NRAP: variants seen among roughly 807,000 people sequenced by gnomAD.
The protein encoded by NRAP is nebulin-related-anchoring protein.
NRAP carries 189 observed loss-of-function variants against 225.9 expected under a neutral mutation model. The observed-to-expected ratio is 0.84, with a 90% CI of 0.74 to 0.94. NRAP has a LOEUF of 0.94. Ranked by LOEUF, NRAP falls within the 40% of genes least tolerant of loss-of-function variation. The pLI is 0.00. For synonymous variants in NRAP, 769 were observed against 790.7 expected (o/e 0.97, Z 0.46); for missense variants, 2,176 against 2,168.7 (o/e 1.00, Z -0.07).
At chr10:113,625,930 A>T in intron 21 of NRAP, 117 bp downstream of exon 21, 1 of 636,936 alleles carries the variant, frequency 1.6e-6, no homozygotes, top group Non-Finnish European at 2.6e-6. Flanking sequence ...CAGCCTATTT[A>T]GAGGGAAGGC....
chr10:113,650,627 C>A, intron 7 of NRAP, 82 bp from the exon 8 acceptor site: 2 of 888,166 alleles, frequency 2.3e-6, no homozygotes, highest in Admixed American at 3.7e-5. Flanking sequence ...GGTTCCATGA[C>A]ATCCTGCCCA....
rs760250935 is a variant in NRAP, at chr10:113,615,782, T to C, written c.3008A>G (p.His1003Arg). Residue 1003 changes from histidine to arginine, a missense_variant, in exon 27 of 42, where the codon CAT becomes CGT. Physicochemically the swap from His to Arg is conservative, Grantham distance 29 (BLOSUM62 0). Coordinates refer to ENST00000359988, the MANE Select transcript of NRAP (RefSeq NM_198060.4). Reference protein sequence around the residue: ...LYREQGENIKHHYTPTADLPE... With the variant: ...LYREQGENIKRHYTPTADLPE... Reference sequence around the variant, plus strand: ...GAGGTCAGCAGTCGGTGTGTAATGATGCTTTATGTTTTCTCCTTGTTCCCT... The same window carrying C: ...GAGGTCAGCAGTCGGTGTGTAATGACGCTTTATGTTTTCTCCTTGTTCCCT... 1.2e-6 allele frequency: 2 copies of C among 1,609,314 alleles called. No homozygotes were observed. The highest frequency in any genetic ancestry group is 8.5e-7 in the Non-Finnish European group (1 of 1,175,624).
In NRAP at chr10:113,645,954, ACAC is replaced by A. The variant is rs2134125029; in HGVS notation, c.994-16_994-14del. 2 of 1,394,520 alleles carry A rather than the reference ACAC, an allele frequency of 1.4e-6. No homozygotes were observed. The highest frequency in any genetic ancestry group is 2.0e-6 in the Non-Finnish European group (2 of 1,003,302). 86.4% of individuals were successfully genotyped at this position (1,394,520 alleles called of 1,614,324 possible). On this transcript the variant is annotated splice_polypyrimidine_tract_variant and intron_variant, in intron 10 of 41. Coordinates refer to ENST00000359988, the MANE Select transcript of NRAP (RefSeq NM_198060.4). ...GCCTGTATTTTATCTGAAAAAAAAA[ACAC>A]AAAACGGGGCTGGAGTTGATGTTTC...
intron 29 of NRAP, among the ~76,000 whole-genome samples, chr10:113,613,372 A>C (rs1056688804): frequency 6.6e-6 from 1 of 152,214 alleles, no homozygotes; most frequent in Non-Finnish European, 1.5e-5. Flanking sequence ...CTCTGCCCCT[A>C]TGTAGCTGAC....
In NRAP at chr10:113,650,236, C is replaced by T. The variant is rs1849859764; in HGVS notation, c.784-95G>A. The T allele has an allele frequency of 4.6e-6, 4 of 866,064 alleles. No homozygotes were observed. In the South Asian group the frequency reaches 5.7e-5, roughly 12 times the overall value. The allele number at this position is 866,064 out of a possible 1,614,324, so 53.6% of individuals were successfully genotyped here. A position where few individuals can be genotyped will look rare whatever the true frequency, so the allele number is the denominator to read the frequency against. ...AATGTCTTAATGGAATGTTCTTTTTCTGCTTGGATCTAGGGAGTAGGTATG... is the reference window on the plus strand; with the variant it reads ...AATGTCTTAATGGAATGTTCTTTTTTTGCTTGGATCTAGGGAGTAGGTATG... On this transcript the variant is annotated intron_variant, in intron 8 of 41. Transcript: ENST00000359988.
intron 33 of NRAP, 30 bp from the exon 34 acceptor site, chr10:113,605,899 T>TA (rs1430744496): frequency 1.3e-6 from 2 of 1,515,162 alleles, no homozygotes; most frequent in Non-Finnish European, 1.8e-6. Flanking sequence ...AAATCTTTTT[T>TA]AAAAAATTAC....
intron 10 of NRAP, among the ~76,000 whole-genome samples, chr10:113,646,705 G>A (rs1169260685): frequency 6.6e-6 from 1 of 152,222 alleles, no homozygotes; most frequent in Non-Finnish European, 1.5e-5. Flanking sequence ...TGCTTCAATG[G>A]CCTCAAGCGA....
chr10:113,612,442 A>C lies in NRAP; in HGVS notation c.3301-11T>G, dbSNP rs1240587834. On this transcript the variant is annotated splice_polypyrimidine_tract_variant and intron_variant, in intron 29 of 41. Transcript: ENST00000359988. ...TTTCTTGTAATTCACCTAGAGGGGC[A>C]GACAGAGCAACAGCAGCTATTTCAA... The C allele has an allele frequency of 6.2e-7, 1 of 1,611,414 alleles. No homozygotes were observed. The highest frequency in any genetic ancestry group is 8.5e-7 in the Non-Finnish European group (1 of 1,177,912).
intron 32 of NRAP, among the ~76,000 whole-genome samples, chr10:113,608,105 A>G (rs1433467984): frequency 6.6e-6 from 1 of 152,226 alleles, no homozygotes; most frequent in African/African-American, 2.4e-5. Flanking sequence ...GAATCATCTT[A>G]TGATCCTGTC....
chr10:113,648,467 C>CTCTCTCTCTATA (rs749486311), intron 9 of NRAP, among the ~76,000 whole-genome samples: 1,526 of 87,178 alleles, frequency 0.018, 37 homozygotes, highest in Admixed American at 0.042. Flanking sequence ...CTCTCTCTCT[C>CTCTCTCTCTATA]TATATATATA....
chr10:113,623,753 T>A, intron 22 of NRAP, 117 bp from the exon 23 acceptor site: 1 of 675,270 alleles, frequency 1.5e-6, no homozygotes, highest in Admixed American at 2.3e-5. Flanking sequence ...TATTACGTCC[T>A]TCTCTGAGAG....
At position 113,650,060 on chromosome 10, in the gene NRAP, C is replaced by T; in HGVS notation, c.865G>A (p.Glu289Lys). The change falls in exon 9 of 42, where the codon GAA becomes AAA. Residue 289 changes from glutamate (E) to lysine (K), a missense_variant. Coordinates refer to ENST00000359988, the MANE Select transcript of NRAP (RefSeq NM_198060.4). ...ACCTGGCCATATTGGTCTGCACATT[C>T]CCTTGTCAAGATGCCCTCAGCTCCA... ...AIGAEGILTR[E>K]CADQYGQGYP... is the part of the protein sequence containing the mutation. The T allele has an allele frequency of 6.2e-7, 1 of 1,606,976 alleles. No individual in the cohort carries two copies. The highest frequency in any genetic ancestry group is 8.5e-7 in the Non-Finnish European group (1 of 1,173,552).
At chr10:113,644,814 T>C (rs949400973) in intron 11 of NRAP, among the ~76,000 whole-genome samples, 32 of 152,248 alleles carry the variant, frequency 2.1e-4, no homozygotes, top group African/African-American at 7.5e-4. Flanking sequence ...TTTGCATATC[T>C]GTTTGTGAGT....
chr10:113,589,840 T>G, intron 40 of NRAP, 43 bp from the exon 41 acceptor site: 1 of 1,601,316 alleles, frequency 6.2e-7, no homozygotes, highest in South Asian at 1.1e-5. Flanking sequence ...TCAGCAGGGT[T>G]TGGAGCGGTT....
At chr10:113,618,440 GTT>G (rs1017265638) in intron 25 of NRAP, among the ~76,000 whole-genome samples, 16 of 152,210 alleles carry the variant, frequency 1.1e-4, no homozygotes, top group African/African-American at 3.9e-4. Flanking sequence ...TGTAAATAAA[GTT>G]TTATTGGAAC....
At position 113,595,623 on chromosome 10, in the gene NRAP, G is replaced by T; in HGVS notation, c.4536C>A (p.Asp1512Glu). The T allele has an allele frequency of 6.3e-7, 1 of 1,594,498 alleles. No individual in the cohort carries two copies. Among genetic ancestry groups the T allele is most frequent in the Non-Finnish European group, 8.6e-7 (1 of 1,162,180 alleles). ...RARLNALHLS[D>E]KVYRNSWEQT... Reference sequence around the variant, plus strand: ...TTCCATGAACCACCAGTTCACTTACGTCACTCAGATGCAGCGCATTGAGGC... The same window carrying T: ...TTCCATGAACCACCAGTTCACTTACTTCACTCAGATGCAGCGCATTGAGGC... The change falls in exon 38 of 42, where the codon GAC becomes GAA. Residue 1512 changes from aspartate to glutamate, a missense_variant and splice_region_variant. Physicochemically the swap from Asp to Glu is conservative, Grantham distance 45 (BLOSUM62 2). Coordinates refer to ENST00000359988, the MANE Select transcript of NRAP (RefSeq NM_198060.4).
At chr10:113,601,837 A>T (rs1162565694) in intron 35 of NRAP, among the ~76,000 whole-genome samples, 19 of 148,204 alleles carry the variant, frequency 1.3e-4, no homozygotes. Flanking sequence ...AGAATCCCAA[A>T]GTCTAAGATG....
At chr10:113,652,913 GA>G (rs775979691) in intron 6 of NRAP, 21 bp downstream of exon 6, 13 of 1,553,216 alleles carry the variant, frequency 8.4e-6, no homozygotes, top group Non-Finnish European at 1.2e-5. Flanking sequence ...AATCAATGGT[GA>G]AAAAGCACCC....
intron 36 of NRAP, among the ~76,000 whole-genome samples, chr10:113,597,733 A>T (rs1353263546): frequency 1.3e-5 from 2 of 152,210 alleles, no homozygotes; most frequent in African/African-American, 4.8e-5. Context: ...CGATTGTACA[A>T]AATGTATTTG....
Sources: allele counts gnomAD v4.1 joint callset (sites outside exome capture counted in the v4.1 genomes callset), GRCh38; gene constraint gnomAD v4.1.1; transcripts MANE v1.5; gene names NCBI Gene and HGNC (gene_info 2026-07-23, HGNC 2026-07-21).